Variants in KIAA1958 observed in about 807,000 individuals in gnomAD.
The protein encoded by KIAA1958 is KIAA1958, also known as uncharacterized protein KIAA1958.
KIAA1958 carries 14 observed loss-of-function variants against 47.2 expected under a neutral mutation model. The ratio of observed to expected loss-of-function variants is 0.30; its 90% CI spans 0.20 to 0.46. The LOEUF is 0.46. Among genes scored for constraint, KIAA1958 ranks in the 20% least tolerant of loss-of-function variants. The pLI, the probability that KIAA1958 is intolerant of heterozygous loss-of-function variation, is 1.00. For missense variants in KIAA1958, 803 were observed against 909.2 expected (o/e 0.88, Z 1.50); for synonymous variants, 354 against 353.3 (o/e 1.00, Z -0.02).
chr9:112,649,459 T>A (rs1474275014), intron 3 of KIAA1958, among the ~76,000 whole-genome samples: 5 of 151,940 alleles, frequency 3.3e-5, no homozygotes, highest in African/African-American at 1.2e-4. Context: ...ATACCCCACC[T>A]GAGAATTTTA....
intron 3 of KIAA1958, 144 bp downstream of exon 3, chr9:112,645,966 A>G: frequency 1.9e-6 from 1 of 531,398 alleles, no homozygotes; most frequent in Non-Finnish European, 3.1e-6. Context: ...GATAAAATCC[A>G]CACACAAAGC....
intron 1 of KIAA1958, among the ~76,000 whole-genome samples, chr9:112,518,857 G>A (rs997748920): frequency 4.6e-5 from 7 of 151,572 alleles, no homozygotes; most frequent in African/African-American, 7.3e-5. Context: ...TAAACATTTG[G>A]GGAGCTAAAG....
chr9:112,516,228 G>C (rs1343688239), intron 1 of KIAA1958, among the ~76,000 whole-genome samples: 3 of 151,396 alleles, frequency 2.0e-5, no homozygotes, highest in African/African-American at 7.3e-5. Context: ...AGGATCACTT[G>C]AGCCTAGGAG....
At chr9:112,494,082 C>T (rs1348543895) in intron 1 of KIAA1958, among the ~76,000 whole-genome samples, 1 of 152,170 alleles carries the variant, frequency 6.6e-6, no homozygotes, top group African/African-American at 2.4e-5. Flanking sequence ...ATATTCTATT[C>T]TGGTAAAATG....
intron 2 of KIAA1958, among the ~76,000 whole-genome samples, chr9:112,585,601 A>T (rs1329862470): frequency 6.6e-6 from 1 of 152,160 alleles, no homozygotes; most frequent in African/African-American, 2.4e-5. Flanking sequence ...CTGGGACAGG[A>T]GGGCTGTTTT....
At chr9:112,493,455 T>G (rs974208463) in intron 1 of KIAA1958, among the ~76,000 whole-genome samples, 2 of 152,208 alleles carry the variant, frequency 1.3e-5, no homozygotes, top group Non-Finnish European at 2.9e-5. Flanking sequence ...GTCCAGAAAT[T>G]TAGGAGTTAT....
chr9:112,581,272 A>G (rs1238124786), intron 2 of KIAA1958, among the ~76,000 whole-genome samples: 1 of 152,220 alleles, frequency 6.6e-6, no homozygotes, highest in Non-Finnish European at 1.5e-5. Flanking sequence ...TAAAGAGAGT[A>G]CCTGACATAT....
chr9:112,635,825 T>G (rs1836796146), intron 2 of KIAA1958, among the ~76,000 whole-genome samples: 1 of 151,998 alleles, frequency 6.6e-6, no homozygotes, highest in Non-Finnish European at 1.5e-5. Flanking sequence ...TTACATTACT[T>G]TTTATTATAA....
chr9:112,639,919 C>A (rs1836865288), intron 2 of KIAA1958, among the ~76,000 whole-genome samples: 1 of 152,198 alleles, frequency 6.6e-6, no homozygotes. Flanking sequence ...TCTAGAATTT[C>A]TGTTTTGTTA....
At chr9:112,657,297 G>A (rs548268911) in intron 3 of KIAA1958, among the ~76,000 whole-genome samples, 5 of 152,000 alleles carry the variant, frequency 3.3e-5, no homozygotes, top group African/African-American at 4.8e-5. Context: ...GTTTCGCCAT[G>A]TTGGCCAGGC....
At chr9:112,659,163 C>T in intron 3 of KIAA1958, 100 bp from the exon 4 acceptor site, 1 of 958,804 alleles carries the variant, frequency 1.0e-6, no homozygotes. Context: ...TAAGGGGTCA[C>T]AGAATGTCCT....
intron 1 of KIAA1958, among the ~76,000 whole-genome samples, chr9:112,544,057 T>A (rs1834989214): frequency 6.6e-6 from 1 of 152,170 alleles, no homozygotes; most frequent in Non-Finnish European, 1.5e-5. Flanking sequence ...GTCTCTATTG[T>A]CTTAGTAAAG....
intron 1 of KIAA1958, among the ~76,000 whole-genome samples, chr9:112,544,906 C>CT (rs929322073): frequency 0.019 from 2,777 of 149,422 alleles, 38 homozygotes; most frequent in South Asian, 0.055. Context: ...AATTTTTAAT[C>CT]TTTTTTTTTT....
At chr9:112,539,247 A>AT (rs1352103471) in intron 1 of KIAA1958, among the ~76,000 whole-genome samples, 4 of 152,206 alleles carry the variant, frequency 2.6e-5, no homozygotes, top group African/African-American at 9.7e-5. Flanking sequence ...TTGTGTGTGA[A>AT]TTCTCATAGT....
chr9:112,517,469 A>G (rs1314517344), intron 1 of KIAA1958, among the ~76,000 whole-genome samples: 4 of 152,230 alleles, frequency 2.6e-5, no homozygotes, highest in Admixed American at 6.5e-5. Context: ...GGATTAATAT[A>G]AAACCTAATA....
At chr9:112,576,919 A>G (rs1033607766) in intron 2 of KIAA1958, among the ~76,000 whole-genome samples, 5 of 152,132 alleles carry the variant, frequency 3.3e-5, no homozygotes, top group Non-Finnish European at 5.9e-5. Flanking sequence ...GGAGCTGTCA[A>G]ACTGTTTTCC....
At chr9:112,633,256 C>T (rs1836742542) in intron 2 of KIAA1958, among the ~76,000 whole-genome samples, 1 of 150,734 alleles carries the variant, frequency 6.6e-6, no homozygotes, top group Non-Finnish European at 1.5e-5. Flanking sequence ...AAATTGCCTT[C>T]CTTTTCTTAC....
chr9:112,550,711 T>C (rs1471926497), intron 1 of KIAA1958, among the ~76,000 whole-genome samples: 1 of 152,156 alleles, frequency 6.6e-6, no homozygotes, highest in Non-Finnish European at 1.5e-5. Flanking sequence ...ACAAAACATG[T>C]GAAGTATTAC....
chr9:112,535,612 T>A (rs186943862), intron 1 of KIAA1958, among the ~76,000 whole-genome samples: 1 of 152,338 alleles, frequency 6.6e-6, no homozygotes, highest in Non-Finnish European at 1.5e-5. Flanking sequence ...GTAGAATTGC[T>A]GGATCATATG....
Sources: allele counts gnomAD v4.1 joint callset (sites outside exome capture counted in the v4.1 genomes callset), GRCh38; gene constraint gnomAD v4.1.1; transcripts MANE v1.5; gene names NCBI Gene and HGNC (gene_info 2026-07-23, HGNC 2026-07-21).